Variants in GSTK1 observed in about 807,000 individuals in gnomAD.
GSTK1 encodes glutathione S-transferase kappa 1.
In GSTK1, 25 loss-of-function variants were observed where a neutral mutation model predicts 30.9. The observed-to-expected ratio is 0.81, with a 90% CI of 0.59 to 1.13. The LOEUF (loss-of-function observed/expected upper bound fraction) is 1.13, where lower values mean the gene tolerates loss of function less well. GSTK1 is among the 50% of genes most tolerant of loss of function. The pLI is 0.00. For missense variants in GSTK1, 292 were observed against 292.4 expected (o/e 1.00, Z 0.01); for synonymous variants, 108 against 112.5 (o/e 0.96, Z 0.25).
chr7:143,268,690 A>G lies in GSTK1; in HGVS notation c.632-98A>G. 9.3e-7 allele frequency: 1 copy of G among 1,078,242 alleles called. No homozygotes were observed. Among genetic ancestry groups the G allele is most frequent in the Non-Finnish European group, 1.4e-6 (1 of 701,260 alleles). The allele number at this position is 1,078,242 out of a possible 1,614,324, so 66.8% of individuals were successfully genotyped here. A position where few individuals can be genotyped will look rare whatever the true frequency, so the allele number is the denominator to read the frequency against. Reference sequence around the variant, plus strand: ...GCCTTCTATACCTTGAAGCCAAGCAAAAGTCTTTCTAGAAAACCCCTGGGA... The same window carrying G: ...GCCTTCTATACCTTGAAGCCAAGCAGAAGTCTTTCTAGAAAACCCCTGGGA... On this transcript the variant is annotated intron_variant, in intron 7 of 7. Coordinates refer to ENST00000358406, the MANE Select transcript of GSTK1 (RefSeq NM_015917.3). This position sits in a 1 kb window ranked among gnomAD's most constrained non-coding sequence, Gnocchi z 4.1.
Position 143,263,473 on chromosome 7 carries a change from A to G in GSTK1, c.-41A>G. ...GGGCAGCCTCTGCCGGGTTCCGGGA[A>G]AAGGAGCTCCTGCTGCCACTGCTCT... On this transcript the variant is annotated 5_prime_UTR_variant, in exon 1 of 8. Transcript: ENST00000358406. 6.3e-7 allele frequency: 1 copy of G among 1,586,708 alleles called. No homozygotes were observed. Among genetic ancestry groups the G allele is most frequent in the South Asian group, 1.1e-5 (1 of 90,702 alleles).
chr7:143,265,225 C>G lies in GSTK1; in HGVS notation c.385-36C>G, dbSNP rs984932513. ...TGTCCTCCCAGTCACACCCCTCTCCCCGCACCGCCTTCCTGCTGTCTTCTC... is the reference window on the plus strand; with the variant it reads ...TGTCCTCCCAGTCACACCCCTCTCCGCGCACCGCCTTCCTGCTGTCTTCTC... On this transcript the variant is annotated intron_variant, in intron 4 of 7. Coordinates refer to ENST00000358406, the MANE Select transcript of GSTK1 (RefSeq NM_015917.3). The G allele has an allele frequency of 4.4e-6, 7 of 1,605,182 alleles. No individual in the cohort carries two copies. The East Asian group carries it at 6.8e-5, about 16-fold the overall frequency.
At chr7:143,263,630 G>A in intron 1 of GSTK1, 45 bp downstream of exon 1, 2 of 1,560,958 alleles carry the variant, frequency 1.3e-6, no homozygotes, top group Non-Finnish European at 1.8e-6. Flanking sequence ...GGGAGTGAGG[G>A]CGGAGGGAAG....
At position 143,264,998 on chromosome 7, in the gene GSTK1, T is replaced by C; in HGVS notation, c.290T>C (p.Leu97Ser). 6.2e-7 allele frequency: 1 copy of C among 1,613,774 alleles called. No individual in the cohort carries two copies. Among genetic ancestry groups the C allele is most frequent in the African/African-American group, 1.3e-5 (1 of 75,004 alleles). Reference sequence around the variant, plus strand: ...GGGTGCCTCTGCCCCACAGGAAGTTTGTCTGCCATGCGTTTCCTCACCGCC... The same window carrying C: ...GGGTGCCTCTGCCCCACAGGAAGTTCGTCTGCCATGCGTTTCCTCACCGCC... ...FLSVMLEKGS[L>S]SAMRFLTAVN... Residue 97 changes from leucine (L) to serine (S), a missense_variant, in exon 4 of 8, where the codon TTG becomes TCG. Leu to Ser is a moderately radical substitution (Grantham distance 145). Coordinates refer to ENST00000358406, the MANE Select transcript of GSTK1 (RefSeq NM_015917.3).
At chr7:143,264,877 G>A (rs1264065698) in intron 3 of GSTK1, 115 bp from the exon 4 acceptor site, 9 of 1,290,946 alleles carry the variant, frequency 7.0e-6, no homozygotes, top group African/African-American at 1.5e-5. Flanking sequence ...TGGGAACCTT[G>A]GGTGAGAGGC....
Position 143,264,139 on chromosome 7 carries a change from C to T in GSTK1, c.126C>T (p.Ser42=). ...IWNINLQLRP[S]LITGIMKDSG... ...ACATCAACCTGCAGTTGCGGCCCAG[C>T]CTCATAACAGGGATCATGAAAGACA... The change falls in exon 2 of 8, where the codon AGC becomes AGT. Residue 42 remains serine, a synonymous_variant. Transcript: ENST00000358406. 1.2e-6 allele frequency: 2 copies of T among 1,614,006 alleles called. No homozygotes were observed. Among genetic ancestry groups the T allele is most frequent in the Non-Finnish European group, 1.7e-6 (2 of 1,179,912 alleles).
rs1048240591 is a variant in GSTK1, at chr7:143,264,572, C to G, written c.179C>G (p.Pro60Arg). 4 of 1,614,000 alleles carry G rather than the reference C, an allele frequency of 2.5e-6. No homozygotes were observed. Among genetic ancestry groups the G allele is most frequent in the Middle Eastern group, 3.3e-4 (2 of 6,058 alleles). The change falls in exon 3 of 8, where the codon CCC (proline) becomes CGC (arginine). Residue 60 changes from proline to arginine, a missense_variant. Physicochemically the swap from Pro to Arg is moderately radical, Grantham distance 103 (BLOSUM62 -2). Coordinates refer to ENST00000358406, the MANE Select transcript of GSTK1 (RefSeq NM_015917.3). ...GGAAACAAGCCTCCAGGTCTGCTTC[C>G]CCGCAAAGGACTATACATGGCAAAT... ...DSGNKPPGLL[P>R]RKGLYMANDL...
Position 143,267,674 on chromosome 7 carries a change from G to T in GSTK1, c.478G>T (p.Ala160Ser). The T allele has an allele frequency of 6.2e-7, 1 of 1,614,096 alleles. No homozygotes were observed. Among genetic ancestry groups the T allele is most frequent in the Non-Finnish European group, 8.5e-7 (1 of 1,180,028 alleles). The change falls in exon 6 of 8, where the codon GCA becomes TCA. Residue 160 changes from alanine to serine, a missense_variant. Physicochemically the swap from Ala to Ser is moderately conservative, Grantham distance 99. Transcript: ENST00000358406. ...EQAQGLLEKI[A>S]TPKVKNQLKE... is the part of the protein sequence containing the mutation. ...AGCCCAGGGACTTCTGGAAAAGATC[G>T]CAACGCCAAAGGTGAAGAACCAGCT...
rs180922766 is a variant in GSTK1 at position 143,268,972 on chromosome 7, G to C, written c.*135G>C. Reference sequence around the variant, plus strand: ...TTTTCTGTGGCCCTGGGAGCTGTCTGTCTTTCCCCTACCCCCAAGGATGCC... The same window carrying C: ...TTTTCTGTGGCCCTGGGAGCTGTCTCTCTTTCCCCTACCCCCAAGGATGCC... On this transcript the variant is annotated 3_prime_UTR_variant, in exon 8 of 8. Coordinates refer to ENST00000358406, the MANE Select transcript of GSTK1 (RefSeq NM_015917.3). The surrounding 1 kb of genome is among the most constrained non-coding windows in gnomAD (Gnocchi z 4.1). 2.6e-6 allele frequency: 2 copies of C among 760,034 alleles called. No individual in the cohort carries two copies. Among genetic ancestry groups the C allele is most frequent in the South Asian group, 3.0e-5 (2 of 66,444 alleles). 47.1% of individuals were successfully genotyped at this position (760,034 alleles called of 1,614,324 possible).
chr7:143,268,024 A>G lies in GSTK1; in HGVS notation c.538-67A>G. 8.1e-7 allele frequency: 1 copy of G among 1,233,586 alleles called. No individual in the cohort carries two copies. The highest frequency in any genetic ancestry group is 1.2e-6 in the Non-Finnish European group (1 of 858,408). The allele number at this position is 1,233,586 out of a possible 1,614,324, so 76.4% of individuals were successfully genotyped here. The stretch of plus-strand genomic sequence containing the variant: ...TGAACTCAGAAAAGTACTGACTCAA[A>G]GGTTTCAACCCCTGCCTAATACCTG... On this transcript the variant is annotated intron_variant, in intron 6 of 7. Coordinates refer to ENST00000358406, the MANE Select transcript of GSTK1 (RefSeq NM_015917.3). This position sits in a 1 kb window ranked among gnomAD's most constrained non-coding sequence, Gnocchi z 4.1.
rs763616273 is a variant in GSTK1 at position 143,267,593 on chromosome 7, G to A, written c.421-24G>A. 9.2e-6 allele frequency: 14 copies of A among 1,517,766 alleles called. No individual in the cohort carries two copies. In the South Asian group the frequency reaches 1.5e-4, roughly 16 times the overall value. The allele number at this position is 1,517,766 out of a possible 1,614,324, so 94.0% of individuals were successfully genotyped here. ...CATCCAATATCATGCAGACACAGTT[G>A]TATTCCCTACTATATTCCCTTAGGC... is the stretch of plus-strand genomic sequence containing the variant. On this transcript the variant is annotated intron_variant, in intron 5 of 7. Coordinates refer to ENST00000358406, the MANE Select transcript of GSTK1 (RefSeq NM_015917.3).
chr7:143,268,228 C>A lies in GSTK1; in HGVS notation c.631+44C>A. The A allele has an allele frequency of 6.7e-7, 1 of 1,484,252 alleles. No individual in the cohort carries two copies. The highest frequency in any genetic ancestry group is 1.2e-5 in the South Asian group (1 of 85,764). 91.9% of individuals were successfully genotyped at this position (1,484,252 alleles called of 1,614,324 possible). A position where few individuals can be genotyped will look rare whatever the true frequency, so the allele number is the denominator to read the frequency against. On this transcript the variant is annotated intron_variant, in intron 7 of 7. Coordinates refer to ENST00000358406, the MANE Select transcript of GSTK1 (RefSeq NM_015917.3). The surrounding 1 kb of genome is among the most constrained non-coding windows in gnomAD (Gnocchi z 4.1). Reference sequence around the variant, plus strand: ...CAACCCTGAGCCAGGTGCAGTGGCTCACGCCTGTAATCCCAGCACTTTGGT... The same window carrying A: ...CAACCCTGAGCCAGGTGCAGTGGCTAACGCCTGTAATCCCAGCACTTTGGT...
rs763379751 is a variant in GSTK1 at position 143,264,539 on chromosome 7, T to G, written c.155-9T>G. On this transcript the variant is annotated splice_polypyrimidine_tract_variant and intron_variant, in intron 2 of 7. Transcript: ENST00000358406. Reference sequence around the variant, plus strand: ...TTCTCACTTAGCGTGCCCAACCTTCTCCTGGCAGGAAACAAGCCTCCAGGT... The same window carrying G: ...TTCTCACTTAGCGTGCCCAACCTTCGCCTGGCAGGAAACAAGCCTCCAGGT... 66 of 1,613,764 alleles carry G rather than the reference T, an allele frequency of 4.1e-5. No individual in the cohort carries two copies. Among genetic ancestry groups the G allele is most frequent in the Non-Finnish European group, 5.3e-5 (63 of 1,179,854 alleles).
intron 4 of GSTK1, 40 bp from the exon 5 acceptor site, chr7:143,265,221 C>T: frequency 1.9e-6 from 3 of 1,605,172 alleles, no homozygotes; most frequent in South Asian, 1.1e-5. Context: ...TCACACCCCT[C>T]TCCCCGCACC....
rs762710477 is a variant in GSTK1 at position 143,268,983 on chromosome 7, AC to A, written c.*151del. ...CCTGGGAGCTGTCTGTCTTTCCCCT[AC>A]CCCCAAGGATGCCAGGAAGACGTCC... On this transcript the variant is annotated 3_prime_UTR_variant, in exon 8 of 8. Transcript: ENST00000358406. This position sits in a 1 kb window ranked among gnomAD's most constrained non-coding sequence, Gnocchi z 4.1. 1.1e-4 allele frequency: 78 copies of A among 707,862 alleles called. No homozygotes were observed. The highest frequency in any genetic ancestry group is 1.8e-4 in the Non-Finnish European group (72 of 400,260). 43.8% of individuals were successfully genotyped at this position (707,862 alleles called of 1,614,324 possible).
intron 5 of GSTK1, 33 bp from the exon 6 acceptor site, chr7:143,267,584 G>GAC (rs746685512): frequency 2.7e-6 from 4 of 1,479,594 alleles, no homozygotes; most frequent in Non-Finnish European, 3.8e-6. Flanking sequence ...ATATCATGCA[G>GAC]ACACAGTTGT....
Position 143,268,944 on chromosome 7 carries a change from G to A in GSTK1, c.*107G>A. The A allele has an allele frequency of 2.1e-6, 2 of 942,398 alleles. No individual in the cohort carries two copies. Among genetic ancestry groups the A allele is most frequent in the Non-Finnish European group, 1.7e-6 (1 of 583,506 alleles). 58.4% of individuals were successfully genotyped at this position (942,398 alleles called of 1,614,324 possible). The stretch of plus-strand genomic sequence containing the variant: ...ACTCGGATTTCTCTATCTGATAGAG[G>A]TATTTTCTGTGGCCCTGGGAGCTGT... On this transcript the variant is annotated 3_prime_UTR_variant, in exon 8 of 8. Transcript: ENST00000358406. This position sits in a 1 kb window ranked among gnomAD's most constrained non-coding sequence, Gnocchi z 4.1.
rs532027681 is a variant in GSTK1, at chr7:143,268,620, G to T, written c.632-168G>T. Among the ~76,000 whole-genome samples the T allele has an allele frequency of 6.6e-6, 1 of 152,268 alleles. No individual in the cohort carries two copies. Among genetic ancestry groups the T allele is most frequent in the Non-Finnish European group, 1.5e-5 (1 of 68,020 alleles). Reference sequence around the variant, plus strand: ...CGTTATGCAGTCAGTGCTGTTCAAGGTTGAGTGGGCAGGGGCTGTCTTCAA... The same window carrying T: ...CGTTATGCAGTCAGTGCTGTTCAAGTTTGAGTGGGCAGGGGCTGTCTTCAA... On this transcript the variant is annotated intron_variant, in intron 7 of 7. Transcript: ENST00000358406. This position sits in a 1 kb window ranked among gnomAD's most constrained non-coding sequence, Gnocchi z 4.1.
Position 143,269,040 on chromosome 7 carries a change from A to G in GSTK1, c.*203A>G, listed in dbSNP as rs1300967589. ...TAGCCATGTGGCAACCTTTACTTCT[A>G]TGCCTCACAAGTGCCTTTCAGAGAG... On this transcript the variant is annotated 3_prime_UTR_variant, in exon 8 of 8. Coordinates refer to ENST00000358406, the MANE Select transcript of GSTK1 (RefSeq NM_015917.3). The G allele has an allele frequency of 1.2e-5, 7 of 598,776 alleles. No individual in the cohort carries two copies. Among genetic ancestry groups the G allele is most frequent in the Admixed American group, 2.8e-5 (1 of 36,312 alleles). The allele number at this position is 598,776 out of a possible 1,614,324, so 37.1% of individuals were successfully genotyped here. A position where few individuals can be genotyped will look rare whatever the true frequency, so the allele number is the denominator to read the frequency against.
Sources: allele counts gnomAD v4.1 joint callset (sites outside exome capture counted in the v4.1 genomes callset), GRCh38; gene constraint gnomAD v4.1.1; non-coding constraint Gnocchi (gnomAD v3.1); transcripts MANE v1.5; gene names NCBI Gene and HGNC (gene_info 2026-07-23, HGNC 2026-07-21).